NBPF11: variants seen among roughly 807,000 people sequenced by gnomAD.
NBPF11 encodes the protein NBPF member 11.
NBPF11 carries 72 observed loss-of-function variants against 93.9 expected under a neutral mutation model. The ratio of observed to expected loss-of-function variants is 0.77; its 90% CI spans 0.63 to 0.93. The LOEUF (loss-of-function observed/expected upper bound fraction) is 0.93. NBPF11 is among the 40% of genes least tolerant of loss of function. The pLI, the probability that NBPF11 is intolerant of heterozygous loss-of-function variation, is 0.00. For synonymous variants in NBPF11, 224 were observed against 304.9 expected, an observed-to-expected ratio of 0.73 and a Z score of 2.76; for missense variants, 705 against 802.2, an observed-to-expected ratio of 0.88 and a Z score of 1.46.
chr1:148,108,311 C>G (rs1304184841), intron 18 of NBPF11, among the ~76,000 whole-genome samples, 171 bp downstream of exon 18: 186 of 151,656 alleles, frequency 1.2e-3, no homozygotes, highest in African/African-American at 4.3e-3. Context: ...CTGACCCATC[C>G]CTTGTCTGGG....
At chr1:148,113,452 G>A (rs1247523076) in intron 15 of NBPF11, among the ~76,000 whole-genome samples, 1 of 146,862 alleles carries the variant, frequency 6.8e-6, no homozygotes, top group African/African-American at 2.6e-5. Flanking sequence ...CTATACAGGA[G>A]CACCCAGATT....
chr1:148,108,890 C>G (rs1339392187), intron 17 of NBPF11, among the ~76,000 whole-genome samples: 14 of 139,428 alleles, frequency 1.0e-4, no homozygotes, highest in African/African-American at 3.8e-4. Flanking sequence ...CACACACACA[C>G]AGTGTGAGCT....
chr1:148,145,567 T>C (rs1324153663), intron 1 of NBPF11, among the ~76,000 whole-genome samples: 1 of 150,696 alleles, frequency 6.6e-6, no homozygotes, highest in African/African-American at 2.5e-5. Context: ...AAAAGATTGA[T>C]AAAGTATATT....
chr1:148,146,089 C>T (rs1305999069), intron 1 of NBPF11, among the ~76,000 whole-genome samples: 1 of 151,902 alleles, frequency 6.6e-6, no homozygotes, highest in Non-Finnish European at 1.5e-5. Flanking sequence ...GAGGGACCGA[C>T]GGACGCACGG....
intron 4 of NBPF11, among the ~76,000 whole-genome samples, chr1:148,134,530 C>A (rs1160599133): frequency 6.2e-5 from 9 of 145,864 alleles, no homozygotes; most frequent in East Asian, 4.1e-4. Context: ...TATGGGGAAA[C>A]AAAAGGAGAA....
At chr1:148,149,010 G>A (rs1166028105) in intron 1 of NBPF11, 10 of 640,898 alleles carry the variant, frequency 1.6e-5, no homozygotes, top group Non-Finnish European at 2.4e-5. Context: ...GGTGGCCCTC[G>A]GGACTGGTGT....
rs1209125006 is a variant in NBPF11, at chr1:148,146,896, G to A, written c.-548-3210C>T. The A allele has an allele frequency of 3.3e-5, 54 of 1,612,768 alleles. 2 individuals are homozygous for A. In the African/African-American group the frequency reaches 5.6e-4, roughly 17 times the overall value. On this transcript the variant is annotated intron_variant, in intron 1 of 23. Coordinates refer to ENST00000682118, the MANE Select transcript of NBPF11 (RefSeq NM_001385469.3). ...GAGGAACCTCTATGCCGACATCGAC[G>A]CCACCTGGCAGGCCCTGCGCACCAG...
intron 4 of NBPF11, among the ~76,000 whole-genome samples, chr1:148,130,134 AC>A (rs1670077143): frequency 6.6e-6 from 1 of 150,648 alleles, no homozygotes; most frequent in African/African-American, 2.5e-5. Context: ...AAAAGATTCT[AC>A]TAAAAAAAAT....
At chr1:148,140,085 C>T (rs1232651447) in intron 2 of NBPF11, among the ~76,000 whole-genome samples, 1 of 151,862 alleles carries the variant, frequency 6.6e-6, no homozygotes, top group Non-Finnish European at 1.5e-5. Flanking sequence ...AAAACACACA[C>T]AAATAGATGC....
At chr1:148,108,202 A>G (rs1188477250) in intron 18 of NBPF11, among the ~76,000 whole-genome samples, 1 of 151,228 alleles carries the variant, frequency 6.6e-6, no homozygotes, top group Non-Finnish European at 1.5e-5. Context: ...ACAAAATCAG[A>G]GTTGTGTGAA....
chr1:148,127,823 T>G (rs1328270144), intron 4 of NBPF11, among the ~76,000 whole-genome samples: 1 of 151,098 alleles, frequency 6.6e-6, no homozygotes, highest in Non-Finnish European at 1.5e-5. Flanking sequence ...TTCTTTTTTT[T>G]TTTTTTGTAT....
chr1:148,121,933 C>A (rs3992667), intron 9 of NBPF11, 122 bp downstream of exon 9: 4 of 852,028 alleles, frequency 4.7e-6, no homozygotes, highest in Non-Finnish European at 8.1e-6. Flanking sequence ...TGAGTCACAG[C>A]ACCTAGCTCC....
intron 1 of NBPF11, among the ~76,000 whole-genome samples, chr1:148,144,877 G>C (rs1427141769): frequency 6.6e-6 from 1 of 151,204 alleles, no homozygotes; most frequent in Non-Finnish European, 1.5e-5. Flanking sequence ...GCTGAAGCAA[G>C]CAGACTACTT....
intron 16 of NBPF11, among the ~76,000 whole-genome samples, chr1:148,110,158 T>G (rs1215267301): frequency 1.3e-5 from 2 of 150,794 alleles, no homozygotes; most frequent in African/African-American, 2.5e-5. Flanking sequence ...CAGGTTGGCA[T>G]GGGCATGGCC....
chr1:148,125,691 G>A (rs1668953335), intron 5 of NBPF11, among the ~76,000 whole-genome samples: 1 of 152,020 alleles, frequency 6.6e-6, no homozygotes, highest in Non-Finnish European at 1.5e-5. Context: ...TTTACACTGT[G>A]CCAATTAATG....
chr1:148,134,047 C>A (rs1307307985), intron 4 of NBPF11, among the ~76,000 whole-genome samples: 1 of 152,062 alleles, frequency 6.6e-6, no homozygotes, highest in Non-Finnish European at 1.5e-5. Context: ...GTTGTTCTGA[C>A]AGCAGGGAGG....
At chr1:148,121,695 G>C (rs1667908727) in intron 9 of NBPF11, among the ~76,000 whole-genome samples, 2 of 151,910 alleles carry the variant, frequency 1.3e-5, no homozygotes, top group African/African-American at 4.9e-5. Flanking sequence ...GAAAAGGAGA[G>C]AGAGTCTAGC....
intron 15 of NBPF11, among the ~76,000 whole-genome samples, chr1:148,112,418 C>G (rs1665520902): frequency 7.3e-6 from 1 of 137,322 alleles, no homozygotes; most frequent in Non-Finnish European, 1.5e-5. Context: ...GTTTTTTGTC[C>G]TTGCAATAGT....
chr1:148,143,504 C>T lies in NBPF11; in HGVS notation c.-366G>A, dbSNP rs1462360956. On this transcript the variant is annotated 5_prime_UTR_variant, in exon 2 of 24. Coordinates refer to ENST00000682118, the MANE Select transcript of NBPF11 (RefSeq NM_001385469.3). Reference sequence around the variant, plus strand: ...TGGGTAAGTTTCTACATCGGTGCCTCGGAGAGTCCACCAGAAGCCCTGGAC... The same window carrying T: ...TGGGTAAGTTTCTACATCGGTGCCTTGGAGAGTCCACCAGAAGCCCTGGAC... 2,642 of 557,024 alleles carry T rather than the reference C, an allele frequency of 4.7e-3. 19 individuals are homozygous for T. Among genetic ancestry groups the T allele is most frequent in the Non-Finnish European group, 6.2e-3 (2,378 of 386,636 alleles). 34.5% of individuals were successfully genotyped at this position (557,024 alleles called of 1,614,324 possible).
Sources: allele counts gnomAD v4.1 joint callset (sites outside exome capture counted in the v4.1 genomes callset), GRCh38; gene constraint gnomAD v4.1.1; transcripts MANE v1.5; gene names NCBI Gene and HGNC (gene_info 2026-07-23, HGNC 2026-07-21).